CDH13: variants seen among roughly 807,000 people sequenced by gnomAD.
The protein encoded by CDH13 is cadherin-13.
In CDH13, 24 loss-of-function variants were observed where a neutral mutation model predicts 63.8. The ratio of observed to expected loss-of-function variants is 0.38; its 90% CI spans 0.27 to 0.53. The LOEUF (loss-of-function observed/expected upper bound fraction) is 0.53. Among genes scored for constraint, CDH13 ranks in the 20% least tolerant of loss-of-function variants. The pLI, the probability that CDH13 is intolerant of heterozygous loss-of-function variation, is 0.85. For missense variants in CDH13, 1,049 were observed against 903.1 expected, an observed-to-expected ratio of 1.16 and a Z score of -2.07; for synonymous variants, 503 against 355.3, an observed-to-expected ratio of 1.42 and a Z score of -4.67.
At chr16:82,816,580 A>G (rs1286544304) in intron 1 of CDH13, among the ~76,000 whole-genome samples, 1 of 152,064 alleles carries the variant, frequency 6.6e-6, no homozygotes, top group Non-Finnish European at 1.5e-5. Flanking sequence ...AAGAGGTGCC[A>G]GGCCAAGGTA....
At chr16:82,892,964 A>G (rs967861250) in intron 2 of CDH13, among the ~76,000 whole-genome samples, 21 of 152,248 alleles carry the variant, frequency 1.4e-4, no homozygotes, top group Admixed American at 7.2e-4. Context: ...TTGTAAAAAA[A>G]TTGTGACCTG....
At chr16:83,090,009 A>G (rs1213018669) in intron 3 of CDH13, among the ~76,000 whole-genome samples, 1 of 152,142 alleles carries the variant, frequency 6.6e-6, no homozygotes, top group Admixed American at 6.5e-5. Context: ...GGCTAGAAGC[A>G]TGTAACATGA....
intron 2 of CDH13, among the ~76,000 whole-genome samples, chr16:83,007,681 G>T (rs1322866701): frequency 6.6e-6 from 1 of 151,874 alleles, no homozygotes. Context: ...AATATTAGCT[G>T]GGCAGGGTGG....
At chr16:83,233,314 A>C (rs7195057) in intron 5 of CDH13, among the ~76,000 whole-genome samples, 59,834 of 152,060 alleles carry the variant, frequency 0.39, 13,772 homozygotes, top group East Asian at 0.67. Context: ...GACCACGACA[A>C]TGTTGATGAT....
At chr16:83,351,720 G>A (rs2090955246) in intron 6 of CDH13, among the ~76,000 whole-genome samples, 1 of 152,122 alleles carries the variant, frequency 6.6e-6, no homozygotes, top group Non-Finnish European at 1.5e-5. Context: ...AATTTCTATA[G>A]GATATATTTA....
At chr16:82,870,365 T>G (rs947213209) in intron 2 of CDH13, among the ~76,000 whole-genome samples, 16 of 152,116 alleles carry the variant, frequency 1.1e-4, no homozygotes, top group African/African-American at 3.9e-4. Flanking sequence ...ACACTGTTGG[T>G]GGGAATGTAA....
intron 2 of CDH13, among the ~76,000 whole-genome samples, chr16:82,997,537 A>C (rs182610932): frequency 9.2e-5 from 14 of 152,364 alleles, no homozygotes; most frequent in South Asian, 8.3e-4. Context: ...GTACATGCAC[A>C]ATATATTCTA....
chr16:82,758,113 G>A (rs1597488446), intron 1 of CDH13, among the ~76,000 whole-genome samples: 1 of 152,162 alleles, frequency 6.6e-6, no homozygotes, highest in South Asian at 2.1e-4. Flanking sequence ...TGAGTATGTA[G>A]TCTCCAAGGG....
intron 1 of CDH13, among the ~76,000 whole-genome samples, chr16:82,839,487 G>C (rs546236511): frequency 6.6e-6 from 1 of 152,130 alleles, no homozygotes; most frequent in Admixed American, 6.5e-5. Flanking sequence ...CTCTAAAACC[G>C]AAACCTAGAC....
At chr16:83,007,293 G>C (rs566084996) in intron 2 of CDH13, among the ~76,000 whole-genome samples, 222 of 152,282 alleles carry the variant, frequency 1.5e-3, no homozygotes, top group African/African-American at 5.1e-3. Context: ...CACCGTGACA[G>C]GTGATCTATG....
At chr16:83,615,725 C>G (rs1909227213) in intron 8 of CDH13, among the ~76,000 whole-genome samples, 1 of 152,212 alleles carries the variant, frequency 6.6e-6, no homozygotes, top group South Asian at 2.1e-4. Flanking sequence ...ACTCTGTAAA[C>G]AGTGCCATCA....
intron 3 of CDH13, among the ~76,000 whole-genome samples, chr16:83,097,203 T>G (rs1393708225): frequency 6.6e-6 from 1 of 152,168 alleles, no homozygotes. Flanking sequence ...CTAACTGATA[T>G]GAAACATTTC....
At position 82,900,310 on chromosome 16, in the gene CDH13, C is replaced by T. The variant is rs541966305; in HGVS notation, c.157+41837C>T. 7.9e-5 allele frequency among the ~76,000 whole-genome samples: 12 copies of T among 152,296 alleles called. No homozygotes were observed. In the East Asian group the frequency reaches 2.3e-3, roughly 29 times the overall value. On this transcript the variant is annotated intron_variant, in intron 2 of 13. Transcript: ENST00000567109. Reference sequence around the variant, plus strand: ...CACAGCATAAATGAAATACCACAAACAGGCCAAGCCAAATAAACTCTGAAG... The same window carrying T: ...CACAGCATAAATGAAATACCACAAATAGGCCAAGCCAAATAAACTCTGAAG...
chr16:82,717,583 G>A (rs112360978), intron 1 of CDH13, among the ~76,000 whole-genome samples: 1 of 152,036 alleles, frequency 6.6e-6, no homozygotes, highest in African/African-American at 2.4e-5. Flanking sequence ...GGTGGTTCCC[G>A]ACATTCCTTA....
At chr16:83,722,954 G>C (rs183515359) in intron 10 of CDH13, among the ~76,000 whole-genome samples, 9 of 152,322 alleles carry the variant, frequency 5.9e-5, no homozygotes, top group Admixed American at 5.9e-4. Flanking sequence ...CACCTGACAG[G>C]TGCCATATTT....
intron 4 of CDH13, among the ~76,000 whole-genome samples, chr16:83,178,870 G>A (rs1158557930): frequency 1.3e-5 from 2 of 151,944 alleles, no homozygotes; most frequent in Non-Finnish European, 2.9e-5. Flanking sequence ...CCCAGTGTTT[G>A]GTTCACTCTC....
intron 7 of CDH13, among the ~76,000 whole-genome samples, chr16:83,570,089 C>T (rs948805292): frequency 2.0e-5 from 3 of 152,112 alleles, no homozygotes; most frequent in African/African-American, 7.2e-5. Flanking sequence ...AGACTTAGGT[C>T]CCTGGTCCTG....
chr16:82,668,745 C>A (rs1470548943), intron 1 of CDH13, among the ~76,000 whole-genome samples: 1 of 152,148 alleles, frequency 6.6e-6, no homozygotes, highest in Non-Finnish European at 1.5e-5. Context: ...TAACTTGGGC[C>A]TCCTGGAATG....
intron 6 of CDH13, among the ~76,000 whole-genome samples, chr16:83,476,092 T>TTATTTATTCACTTATTCATG (rs1409354685): frequency 6.6e-6 from 1 of 152,362 alleles, no homozygotes; most frequent in East Asian, 1.9e-4. Flanking sequence ...AACTCATCTT[T>TTATTTATTCACTTATTCATG]TATTTATTCA....
Sources: allele counts gnomAD v4.1 joint callset (sites outside exome capture counted in the v4.1 genomes callset), GRCh38; gene constraint gnomAD v4.1.1; transcripts MANE v1.5; gene names NCBI Gene and HGNC (gene_info 2026-07-23, HGNC 2026-07-21).